OPLAH: variants seen among roughly 807,000 people sequenced by gnomAD.
OPLAH encodes the protein 5-oxoprolinase, ATP-hydrolysing.
In OPLAH, 103 loss-of-function variants were observed where a neutral mutation model predicts 122.8. That is an observed-to-expected ratio of 0.84 (90% CI 0.71 to 0.99). OPLAH has a LOEUF of 0.99. Among genes scored for constraint, OPLAH ranks in the 50% least tolerant of loss-of-function variants. The pLI, the probability that OPLAH is intolerant of heterozygous loss-of-function variation, is 0.00. For synonymous variants in OPLAH, 875 were observed against 796.0 expected, an observed-to-expected ratio of 1.10 and a Z score of -1.67; for missense variants, 1,902 against 1,836.5, an observed-to-expected ratio of 1.04 and a Z score of -0.65.
At position 144,056,610 on chromosome 8, in the gene OPLAH, C is replaced by G. The variant is rs781938919; in HGVS notation, c.1844+8G>C. The G allele has an allele frequency of 8.1e-6, 13 of 1,612,132 alleles. No individual in the cohort carries two copies. The Admixed American group carries it at 2.0e-4, about 25-fold the overall frequency. On this transcript the variant is annotated splice_region_variant and intron_variant, in intron 13 of 26. Transcript: ENST00000618853. ...TTGCCAGGGATCCGGAGTCAGGAAG[C>G]CACGTACCGCTCCACAAAGGCTGCC...
In OPLAH at chr8:144,051,287, C is replaced by G. The variant is rs782080056; in HGVS notation, c.*39G>C. The G allele has an allele frequency of 1.2e-6, 2 of 1,607,996 alleles. No homozygotes were observed. Among genetic ancestry groups the G allele is most frequent in the South Asian group, 2.2e-5 (2 of 90,834 alleles). Reference sequence around the variant, plus strand: ...GAACTAGGCGCCGTAGCTGCGTCCCCAGAACCGGGAGACTTAAGGCATCTT... The same window carrying G: ...GAACTAGGCGCCGTAGCTGCGTCCCGAGAACCGGGAGACTTAAGGCATCTT... On this transcript the variant is annotated 3_prime_UTR_variant, in exon 27 of 27. Transcript: ENST00000618853.
At chr8:144,060,108 C>G in intron 1 of OPLAH, 23 bp from the exon 2 acceptor site, 1 of 1,495,606 alleles carries the variant, frequency 6.7e-7, no homozygotes, top group East Asian at 2.4e-5. Flanking sequence ...GGGGTCAGCC[C>G]GGGCTCACCT....
In OPLAH at chr8:144,058,158, G is replaced by T; in HGVS notation, c.950-10C>A. 2 of 1,612,066 alleles carry T rather than the reference G, an allele frequency of 1.2e-6. No homozygotes were observed. The highest frequency in any genetic ancestry group is 2.2e-5 in the South Asian group (2 of 91,056). On this transcript the variant is annotated splice_polypyrimidine_tract_variant and intron_variant, in intron 7 of 26. Transcript: ENST00000618853. ...ACATCCGTGGACGTGCCTGGCAGGG[G>T]TGGGGTGCTGGTGGGTCACTTGAAG... is the stretch of plus-strand genomic sequence containing the variant.
downstream of OPLAH, chr8:144,050,336 C>T: frequency 1.0e-6 from 1 of 983,552 alleles, no homozygotes; most frequent in Non-Finnish European, 1.2e-6. Context: ...CAGCTGACGC[C>T]GCTGCTGGAC....
At chr8:144,056,031 C>T (rs1835504694) in intron 15 of OPLAH, 92 bp from the exon 16 acceptor site, 13 of 1,495,486 alleles carry the variant, frequency 8.7e-6, no homozygotes, top group East Asian at 7.1e-5. Flanking sequence ...GCCACCCCAA[C>T]GATGGTGGGA....
chr8:144,061,439 C>T (rs782766003), upstream of OPLAH, among the ~76,000 whole-genome samples: 3 of 152,112 alleles, frequency 2.0e-5, no homozygotes, highest in Non-Finnish European at 2.9e-5. Flanking sequence ...TCGCTGGAAC[C>T]CGGGAGGCGG....
rs1554760462 is a variant in OPLAH, at chr8:144,059,853, C to G, written c.171+9G>C. 6.2e-7 allele frequency: 1 copy of G among 1,612,556 alleles called. No individual in the cohort carries two copies. Among genetic ancestry groups the G allele is most frequent in the African/African-American group, 1.3e-5 (1 of 75,070 alleles). ...GGGGTCCCTGTCCACCCGCTCCGCCCTGGCCCACCTGCTCCAGGATGCGGC... is the reference window on the plus strand; with the variant it reads ...GGGGTCCCTGTCCACCCGCTCCGCCGTGGCCCACCTGCTCCAGGATGCGGC... On this transcript the variant is annotated intron_variant, in intron 2 of 26. Coordinates refer to ENST00000618853, the MANE Select transcript of OPLAH (RefSeq NM_017570.5).
chr8:144,058,395 C>T lies in OPLAH; in HGVS notation c.793G>A (p.Val265Met). 6.3e-7 allele frequency: 1 copy of T among 1,589,314 alleles called. No individual in the cohort carries two copies. Among genetic ancestry groups the T allele is most frequent in the Middle Eastern group, 1.7e-4 (1 of 5,910 alleles). The change falls in exon 7 of 27, where the codon GTG (valine) becomes ATG (methionine). Residue 265 changes from valine to methionine, a missense_variant. Val to Met is a conservative substitution (Grantham distance 21). This residue lies in a region of OPLAH where 1,726 missense variants were observed against 1,642.1 expected (regional missense o/e 1.05). Transcript: ENST00000618853. The stretch of plus-strand genomic sequence containing the variant: ...CCGCCATCGGAGCGCATGAACAACA[C>T]CTGCACATCCTGCGAGCGGGCAGCA... ...GFQGQLKDVQ[V>M]LFMRSDGGLA...
chr8:144,050,990 C>G (rs539114980), downstream of OPLAH: 5 of 1,090,292 alleles, frequency 4.6e-6, no homozygotes, highest in South Asian at 7.3e-5. Context: ...CCGGCCTTCC[C>G]GGCAGAAGCC....
chr8:144,056,824 C>G, intron 12 of OPLAH, 69 bp from the exon 13 acceptor site: 1 of 1,533,752 alleles, frequency 6.5e-7, no homozygotes, highest in Non-Finnish European at 8.8e-7. Context: ...CAGCGCCCGG[C>G]AAGGACACCT....
Position 144,051,269 on chromosome 8 carries a change from G to A in OPLAH, c.*57C>T, listed in dbSNP as rs1835366332. 6.2e-7 allele frequency: 1 copy of A among 1,602,284 alleles called. No individual in the cohort carries two copies. Among genetic ancestry groups the A allele is most frequent in the Non-Finnish European group, 8.5e-7 (1 of 1,175,818 alleles). ...AGACACGACTCGGAGCACGAACTAG[G>A]CGCCGTAGCTGCGTCCCCAGAACCG... On this transcript the variant is annotated 3_prime_UTR_variant, in exon 27 of 27. Coordinates refer to ENST00000618853, the MANE Select transcript of OPLAH (RefSeq NM_017570.5).
chr8:144,052,461 G>A lies in OPLAH; in HGVS notation c.3291C>T (p.Cys1097=). 2.6e-6 allele frequency: 4 copies of A among 1,540,974 alleles called. No individual in the cohort carries two copies. Among genetic ancestry groups the A allele is most frequent in the East Asian group, 2.4e-5 (1 of 41,246 alleles). The change falls in exon 23 of 27, where the codon TGC becomes TGT. Residue 1097 remains cysteine, a synonymous_variant. Transcript: ENST00000618853. ...VDVILGAFGA[C]AASQGCMNNV... ...CCCGCCCCCGCACCTGGGAGGCGGC[G>A]CAGGCCCCAAAGGCCCCCAGGATGA...
chr8:144,055,827 G>A lies in OPLAH; in HGVS notation c.2209C>T (p.Gln737Ter). ...GTVGPQLDPI[Q>*]LSIFSHRFMS... Reference sequence around the variant, plus strand: ...AAGCGGTGTGAGAAGATGGACAGCTGGATAGGGTCCAGCTGGGGGCCCACT... The same window carrying A: ...AAGCGGTGTGAGAAGATGGACAGCTAGATAGGGTCCAGCTGGGGGCCCACT... The change falls in exon 16 of 27, where the codon CAG (glutamine) becomes TAG (stop). Residue 737 changes from glutamine to a stop codon, truncating the protein, a stop_gained. Transcript: ENST00000618853. LOFTEE classifies it high-confidence loss of function. This position sits in a 1 kb window ranked among gnomAD's most constrained non-coding sequence, Gnocchi z 6.5. 2 of 1,569,852 alleles carry A rather than the reference G, an allele frequency of 1.3e-6. No individual in the cohort carries two copies. The highest frequency in any genetic ancestry group is 1.2e-5 in the South Asian group (1 of 85,288).
intron 12 of OPLAH, 42 bp downstream of exon 12, chr8:144,056,906 G>T: frequency 6.5e-7 from 1 of 1,537,510 alleles, no homozygotes; most frequent in East Asian, 2.4e-5. Context: ...GGCGTGGTGA[G>T]GACAACGTAA....
chr8:144,055,743 C>A lies in OPLAH; in HGVS notation c.2248+45G>T. The A allele has an allele frequency of 6.9e-7, 1 of 1,447,818 alleles. No individual in the cohort carries two copies. Among genetic ancestry groups the A allele is most frequent in the Admixed American group, 2.6e-5 (1 of 38,812 alleles). The allele number at this position is 1,447,818 out of a possible 1,614,324, so 89.7% of individuals were successfully genotyped here. The stretch of plus-strand genomic sequence containing the variant: ...CAGCCCTGCCAGCTACCCCATGACA[C>A]AGCCGGCGCCTCATCCCACAGGGAG... On this transcript the variant is annotated intron_variant, in intron 16 of 26. Coordinates refer to ENST00000618853, the MANE Select transcript of OPLAH (RefSeq NM_017570.5). The surrounding 1 kb of genome is among the most constrained non-coding windows in gnomAD (Gnocchi z 6.5).
chr8:144,056,556 AGAGT>A, intron 13 of OPLAH, 33 bp from the exon 14 acceptor site: 1 of 1,612,354 alleles, frequency 6.2e-7, no homozygotes, highest in Non-Finnish European at 8.5e-7. Context: ...AGGAGTGGTC[AGAGT>A]GAGGCGGCCA....
rs558230810 is a variant in OPLAH, at chr8:144,055,242, C to T, written c.2249-53G>A. 2.7e-6 allele frequency: 4 copies of T among 1,481,618 alleles called. No homozygotes were observed. In the South Asian group the frequency reaches 5.7e-5, roughly 21 times the overall value. 91.8% of individuals were successfully genotyped at this position (1,481,618 alleles called of 1,614,324 possible). On this transcript the variant is annotated intron_variant, in intron 16 of 26. Transcript: ENST00000618853. This position sits in a 1 kb window ranked among gnomAD's most constrained non-coding sequence, Gnocchi z 6.5. Reference sequence around the variant, plus strand: ...TGGCCCCACCCACCCACAGCCTGGCCCCAGGAAAGGGAGGAACAGGACCCA... The same window carrying T: ...TGGCCCCACCCACCCACAGCCTGGCTCCAGGAAAGGGAGGAACAGGACCCA...
chr8:144,053,491 G>A, intron 19 of OPLAH, 98 bp from the exon 20 acceptor site: 1 of 1,227,444 alleles, frequency 8.1e-7, no homozygotes, highest in Non-Finnish European at 1.1e-6. Flanking sequence ...CCCCTAGAAA[G>A]CACCGAGGCC....
At chr8:144,056,344 C>T (rs1554759062) in intron 14 of OPLAH, 41 bp downstream of exon 14, 1 of 1,595,460 alleles carries the variant, frequency 6.3e-7, no homozygotes, top group South Asian at 1.1e-5. Flanking sequence ...ATCCCGGTGC[C>T]CCATGGGTGC....
Sources: gnomAD v4.1 joint callset for allele counts (sites outside exome capture counted in the v4.1 genomes callset) on GRCh38, gnomAD v4.1.1 for gene constraint, gnomAD v4.1.1 regional missense constraint, Gnocchi (gnomAD v3.1) non-coding constraint, MANE v1.5 for transcripts, NCBI Gene and HGNC (gene_info 2026-07-23, HGNC 2026-07-21) for gene names.